PIK3CB: variants seen among roughly 807,000 people sequenced by gnomAD.
PIK3CB encodes phosphatidylinositol-4,5-bisphosphate 3-kinase catalytic subunit beta.
A neutral mutation model predicts 136.8 loss-of-function variants in PIK3CB; 39 were observed. The observed-to-expected ratio is 0.29, with a 90% CI of 0.22 to 0.37. The LOEUF is 0.37. Among genes scored for constraint, PIK3CB ranks in the 10% least tolerant of loss-of-function variants. PIK3CB has a pLI of 1.00. For synonymous variants in PIK3CB, 428 were observed against 436.6 expected (o/e 0.98, Z 0.25); for missense variants, 868 against 1,275.4 (o/e 0.68, Z 4.87).
intron 22 of PIK3CB, among the ~76,000 whole-genome samples, chr3:138,656,642 C>G (rs1221579364): frequency 6.6e-6 from 1 of 152,118 alleles, no homozygotes; most frequent in East Asian, 1.9e-4. Flanking sequence ...CTTCTGGGTT[C>G]TATATTTGTG....
chr3:138,759,148 A>ATAGAAATTATACC (rs765119194), intron 3 of PIK3CB, 25 bp downstream of exon 3: 6 of 1,485,648 alleles, frequency 4.0e-6, no homozygotes, highest in African/African-American at 1.4e-5. Context: ...TGCTAAACAC[A>ATAGAAATTATACC]TAGAAATTAT....
At position 138,779,681 on chromosome 3, in the gene PIK3CB, G is replaced by A. The variant is rs767595726; in HGVS notation, c.-17+16782C>T. Among the ~76,000 whole-genome samples the A allele has an allele frequency of 2.4e-4, 35 of 145,484 alleles. No individual in the cohort carries two copies. In the South Asian group the frequency reaches 3.3e-3, roughly 14 times the overall value. ...GGGCTGGGATTACAAGCATGAAATC[G>A]CTGCACCTGGCCAAATTTTTTTTTT... On this transcript the variant is annotated intron_variant, in intron 2 of 23. Transcript: ENST00000674063.
At chr3:138,833,139 T>A (rs1400222864) in intron 1 of PIK3CB, among the ~76,000 whole-genome samples, 1 of 144,602 alleles carries the variant, frequency 6.9e-6, no homozygotes, top group East Asian at 2.3e-4. Flanking sequence ...CCATCTCGGC[T>A]CACTGCAACC....
At chr3:138,798,349 G>A (rs1464852843) in intron 1 of PIK3CB, among the ~76,000 whole-genome samples, 3 of 152,090 alleles carry the variant, frequency 2.0e-5, no homozygotes, top group African/African-American at 7.2e-5. Flanking sequence ...ATTTTTAGTA[G>A]AGATGGGGTT....
In PIK3CB at chr3:138,698,921, C is replaced by T; in HGVS notation, c.1756G>A (p.Glu586Lys). The change falls in exon 13 of 24, where the codon GAG (glutamate) becomes AAG (lysine). Residue 586 changes from glutamate to lysine, a missense_variant. Transcript: ENST00000674063. ...LLLSIKWNKL[E>K]DVAQLQALLQ... is the part of the protein sequence containing the mutation. ...TCTTTTGTTACCTGAGCAACATCCT[C>T]AAGTTTATTCCACTTGATTGACAGC... 1 of 1,591,220 alleles carries T rather than the reference C, an allele frequency of 6.3e-7. No homozygotes were observed. The highest frequency in any genetic ancestry group is 8.6e-7 in the Non-Finnish European group (1 of 1,164,840).
At chr3:138,804,123 T>C (rs960373596) in intron 1 of PIK3CB, among the ~76,000 whole-genome samples, 7 of 151,566 alleles carry the variant, frequency 4.6e-5, no homozygotes, top group African/African-American at 1.2e-4. Context: ...CAGGACAACA[T>C]AGCAAGAATC....
intron 4 of PIK3CB, among the ~76,000 whole-genome samples, chr3:138,743,127 TAATA>T (rs1470704026): frequency 2.0e-5 from 3 of 152,170 alleles, no homozygotes; most frequent in African/African-American, 7.2e-5. Flanking sequence ...AACCAAGTAT[TAATA>T]AATCACATTT....
chr3:138,737,911 A>G, intron 5 of PIK3CB, 25 bp from the exon 6 acceptor site: 2 of 1,457,130 alleles, frequency 1.4e-6, no homozygotes, highest in Non-Finnish European at 1.9e-6. Context: ...AGATGGGGAA[A>G]AAAGCAGTAA....
chr3:138,690,723 CAA>C (rs533393475), intron 15 of PIK3CB, among the ~76,000 whole-genome samples: 11 of 84,620 alleles, frequency 1.3e-4, no homozygotes, highest in East Asian at 3.3e-4. Flanking sequence ...AAAACACACA[CAA>C]AAAAAAAAAA....
At chr3:138,733,686 G>A (rs889367079) in intron 7 of PIK3CB, among the ~76,000 whole-genome samples, 2 of 152,092 alleles carry the variant, frequency 1.3e-5, no homozygotes, top group African/African-American at 4.8e-5. Context: ...AGACCATCCT[G>A]GCTAACACGG....
intron 12 of PIK3CB, among the ~76,000 whole-genome samples, chr3:138,704,129 A>C (rs1336617060): frequency 6.6e-6 from 1 of 152,172 alleles, no homozygotes; most frequent in Non-Finnish European, 1.5e-5. Flanking sequence ...CCTGAGAGAA[A>C]TACAGTCTCC....
At chr3:138,793,488 T>C (rs1428347431) in intron 2 of PIK3CB, among the ~76,000 whole-genome samples, 1 of 151,830 alleles carries the variant, frequency 6.6e-6, no homozygotes. Context: ...TGCCTATAAT[T>C]GCAGCTACTC....
chr3:138,702,872 C>T (rs1249770089), intron 12 of PIK3CB, among the ~76,000 whole-genome samples: 2 of 152,104 alleles, frequency 1.3e-5, no homozygotes, highest in Non-Finnish European at 2.9e-5. Flanking sequence ...CCAGGCCATT[C>T]TCAAGTCTAC....
At chr3:138,780,119 G>A (rs569571792) in intron 2 of PIK3CB, among the ~76,000 whole-genome samples, 13 of 150,056 alleles carry the variant, frequency 8.7e-5, no homozygotes, top group Middle Eastern at 3.5e-3. Flanking sequence ...CACCACACCC[G>A]GCTAATTTTT....
chr3:138,719,147 C>T (rs1014240010), intron 8 of PIK3CB, among the ~76,000 whole-genome samples: 6 of 150,266 alleles, frequency 4.0e-5, no homozygotes, highest in African/African-American at 1.5e-4. Flanking sequence ...GAAAGATTTA[C>T]ACAACAGCAC....
intron 1 of PIK3CB, among the ~76,000 whole-genome samples, chr3:138,830,571 C>CA (rs1249882487): frequency 1.3e-5 from 2 of 151,296 alleles, no homozygotes; most frequent in African/African-American, 4.8e-5. Context: ...CAAAACAAAA[C>CA]AAAAAATCAA....
chr3:138,706,015 C>T (rs191713), intron 11 of PIK3CB, among the ~76,000 whole-genome samples: 91,075 of 152,150 alleles, frequency 0.6, 28,101 homozygotes, highest in East Asian at 0.98. Flanking sequence ...GACTCCCAAG[C>T]TGATGGGATC....
At chr3:138,827,094 C>A (rs1933815907) in intron 1 of PIK3CB, among the ~76,000 whole-genome samples, 1 of 150,720 alleles carries the variant, frequency 6.6e-6, no homozygotes, top group Non-Finnish European at 1.5e-5. Flanking sequence ...AATAAATATT[C>A]CTGATCTCTA....
At chr3:138,741,868 A>C (rs2045252416) in intron 5 of PIK3CB, among the ~76,000 whole-genome samples, 1 of 151,984 alleles carries the variant, frequency 6.6e-6, no homozygotes, top group African/African-American at 2.4e-5. Context: ...CCTTAATCTA[A>C]TGCCAGACCC....
Sources: allele counts gnomAD v4.1 joint callset (sites outside exome capture counted in the v4.1 genomes callset), GRCh38; gene constraint gnomAD v4.1.1; transcripts MANE v1.5; gene names NCBI Gene and HGNC (gene_info 2026-07-23, HGNC 2026-07-21).